FANCD2: variants seen among roughly 807,000 people sequenced by gnomAD.
The protein encoded by FANCD2 is FA complementation group D2, also known as Fanconi anemia group D2 protein.
Under a neutral mutation model 192.3 loss-of-function variants are expected in FANCD2, and 131 were observed. That is an observed-to-expected ratio of 0.68 (90% CI 0.59 to 0.79). The LOEUF (loss-of-function observed/expected upper bound fraction) is 0.79, where lower values mean the gene tolerates loss of function less well. FANCD2 is among the 30% of genes least tolerant of loss of function. FANCD2 has a pLI of 0.00. For missense variants in FANCD2, 1,508 were observed against 1,701.6 expected (o/e 0.89, Z 2.00); for synonymous variants, 524 against 612.5 (o/e 0.86, Z 2.13).
chr3:10,043,554 A>C lies in FANCD2; in HGVS notation c.1060A>C (p.Ile354Leu), dbSNP rs764893663. Residue 354 changes from isoleucine to leucine, a missense_variant, in exon 13 of 44, where the codon ATT (isoleucine) becomes CTT (leucine). This residue lies in a region of FANCD2 where 435 missense variants were observed against 421.9 expected (regional missense o/e 1.03). Coordinates refer to ENST00000675286, the MANE Select transcript of FANCD2 (RefSeq NM_001018115.3). ...ILLFDVIKSA[I>L]RYEKTISEAW... ...CCTCTTTGATGTAATAAAGTCAGCT[A>C]TTAGATATGAGAAAACCATTTCAGA... 6.2e-7 allele frequency: 1 copy of C among 1,613,804 alleles called. No homozygotes were observed. The highest frequency in any genetic ancestry group is 8.5e-7 in the Non-Finnish European group (1 of 1,179,692).
chr3:10,099,098 TG>T, intron 43 of FANCD2: 5 of 1,523,356 alleles, frequency 3.3e-6, no homozygotes, highest in Non-Finnish European at 4.4e-6. Flanking sequence ...AATTCATATC[TG>T]AAACCATTTT....
At chr3:10,072,343 A>G (rs1223351843) in intron 26 of FANCD2, among the ~76,000 whole-genome samples, 1 of 143,304 alleles carries the variant, frequency 7.0e-6, no homozygotes, top group Non-Finnish European at 1.5e-5. Flanking sequence ...TGGTGGTGCG[A>G]TCTCTGCTTA....
At position 10,099,075 on chromosome 3, in the gene FANCD2, C is replaced by A. The variant is rs1391995558; in HGVS notation, c.4281+260C>A. On this transcript the variant is annotated intron_variant, in intron 43 of 43. Coordinates refer to ENST00000675286, the MANE Select transcript of FANCD2 (RefSeq NM_001018115.3). ...TTGACAATTTTCTGCATTATAGCCT[C>A]TCATTTTCCATGAATTCATATCTGA... is the stretch of plus-strand genomic sequence containing the variant. 3 of 1,553,818 alleles carry A rather than the reference C, an allele frequency of 1.9e-6. No individual in the cohort carries two copies. In the Admixed American group the frequency reaches 5.9e-5, roughly 30 times the overall value.
At chr3:10,038,945 T>TG (rs2086795239) in intron 7 of FANCD2, among the ~76,000 whole-genome samples, 1 of 152,202 alleles carries the variant, frequency 6.6e-6, no homozygotes, top group Non-Finnish European at 1.5e-5. Flanking sequence ...TAAAAATACT[T>TG]GTCATATTCA....
chr3:10,072,506 T>G (rs1221094271), intron 26 of FANCD2, among the ~76,000 whole-genome samples: 1 of 152,220 alleles, frequency 6.6e-6, no homozygotes, highest in Non-Finnish European at 1.5e-5. Context: ...CTCAAACTCC[T>G]GACCTCAGGT....
chr3:10,078,954 A>G (rs1693680888), intron 30 of FANCD2, among the ~76,000 whole-genome samples: 2 of 151,540 alleles, frequency 1.3e-5, no homozygotes, highest in African/African-American at 4.8e-5. Context: ...AACAAAAAAA[A>G]AAGTCTACCT....
At position 10,040,278 on chromosome 3, in the gene FANCD2, C is replaced by T. The variant is rs1328126183; in HGVS notation, c.695+433C>T. 4.1e-4 allele frequency: 137 copies of T among 334,228 alleles called. 2 individuals are homozygous for T. The highest frequency in any genetic ancestry group is 1.3e-3 in the South Asian group (55 of 41,748). 20.7% of individuals were successfully genotyped at this position (334,228 alleles called of 1,614,324 possible). ...GTCTCGATCTCCTGACCTTGTGATCCGCCCTCCTCGGCCTCCCAGAGTGCT... is the reference window on the plus strand; with the variant it reads ...GTCTCGATCTCCTGACCTTGTGATCTGCCCTCCTCGGCCTCCCAGAGTGCT... On this transcript the variant is annotated intron_variant, in intron 9 of 43. Transcript: ENST00000675286.
chr3:10,047,032 G>T, intron 15 of FANCD2, among the ~76,000 whole-genome samples: 1 of 152,302 alleles, frequency 6.6e-6, no homozygotes, highest in Non-Finnish European at 1.5e-5. Context: ...TGGACTTTAG[G>T]TGATAATTCC....
intron 12 of FANCD2, 33 bp downstream of exon 12, chr3:10,043,183 A>G: frequency 1.3e-6 from 2 of 1,524,104 alleles, no homozygotes. Context: ...GGATGTCACA[A>G]TTTTCTGACA....
intron 33 of FANCD2, 30 bp from the exon 34 acceptor site, chr3:10,087,104 C>G (rs755009168): frequency 1.2e-6 from 2 of 1,612,700 alleles, no homozygotes; most frequent in Admixed American, 1.7e-5. Context: ...GATACTATTG[C>G]ATTTGTTTGT....
At chr3:10,063,983 G>A (rs1314305202) in intron 21 of FANCD2, 72 bp downstream of exon 21, 45 of 1,525,976 alleles carry the variant, frequency 2.9e-5, no homozygotes, top group South Asian at 5.6e-5. Flanking sequence ...AAGTCTTTCT[G>A]TTGCAGTGTG....
At chr3:10,042,701 C>T in intron 11 of FANCD2, 38 bp downstream of exon 11, 1 of 1,499,126 alleles carries the variant, frequency 6.7e-7, no homozygotes, top group East Asian at 2.3e-5. Flanking sequence ...GATAAAGCAA[C>T]TTAAGTGCCA....
intron 18 of FANCD2, among the ~76,000 whole-genome samples, chr3:10,053,130 G>C (rs868469187): frequency 2.0e-5 from 3 of 147,484 alleles, no homozygotes; most frequent in Admixed American, 6.9e-5. Flanking sequence ...AACCAACCCA[G>C]ATGTCCAACA....
chr3:10,052,392 T>C lies in FANCD2; in HGVS notation c.1551T>C (p.Ile517=). The C allele has an allele frequency of 6.2e-7, 1 of 1,604,680 alleles. No individual in the cohort carries two copies. Among genetic ancestry groups the C allele is most frequent in the Non-Finnish European group, 8.5e-7 (1 of 1,171,466 alleles). The stretch of plus-strand genomic sequence containing the variant: ...TGGCATCATTTTTTCCACAGGGCAT[T>C]TTAGATTATCTGGATAACATATCCC... ...MMMNAVFVKG[I]LDYLDNISPQ... The change falls in exon 18 of 44, where the codon ATT becomes ATC. Residue 517 remains isoleucine (I), a synonymous_variant. Coordinates refer to ENST00000675286, the MANE Select transcript of FANCD2 (RefSeq NM_001018115.3).
intron 29 of FANCD2, among the ~76,000 whole-genome samples, chr3:10,077,152 G>A (rs996337279): frequency 7.0e-6 from 1 of 143,476 alleles, no homozygotes; most frequent in Non-Finnish European, 1.5e-5. Context: ...ACCATCACTT[G>A]AGTCCAGGAG....
rs903202841 is a variant in FANCD2, at chr3:10,065,451, G to C, written c.2226G>C (p.Glu742Asp). The C allele has an allele frequency of 1.2e-6, 2 of 1,613,870 alleles. No individual in the cohort carries two copies. The highest frequency in any genetic ancestry group is 1.7e-6 in the Non-Finnish European group (2 of 1,179,860). Residue 742 changes from glutamate (E) to aspartate (D), a missense_variant, in exon 24 of 44, where the codon GAG (glutamate) becomes GAC (aspartate). Transcript: ENST00000675286. Reference protein sequence around the residue: ...PYFRLLRLCVERQHNGNLEEI... With the variant: ...PYFRLLRLCVDRQHNGNLEEI... ...TCCGGTTACTGAGACTTTGTGTGGA[G>C]AGACAGCATAACGGAAACTTGGAGG...
chr3:10,036,819 C>T (rs1467696487), intron 7 of FANCD2, among the ~76,000 whole-genome samples: 1 of 151,832 alleles, frequency 6.6e-6, no homozygotes, highest in East Asian at 1.9e-4. Context: ...TTTCTGAATA[C>T]TTTTCTTTAC....
chr3:10,067,220 C>A lies in FANCD2; in HGVS notation c.2397C>A (p.Ala799=). The A allele has an allele frequency of 1.2e-6, 2 of 1,608,998 alleles. No individual in the cohort carries two copies. Among genetic ancestry groups the A allele is most frequent in the Non-Finnish European group, 1.7e-6 (2 of 1,175,500 alleles). The part of the protein sequence containing the change: ...TLNWFREIVN[A]FCQETSPEMK... ...TTTGTACTTTGCAGATTGTAAATGC[C>A]TTCTGCCAGGAAACATCACCTGAGA... The change falls in exon 26 of 44, where the codon GCC becomes GCA. Residue 799 remains alanine, a synonymous_variant. Transcript: ENST00000675286.
At chr3:10,037,675 A>G (rs988766290) in intron 7 of FANCD2, 1 of 152,234 alleles carries the variant, frequency 6.6e-6, no homozygotes, top group African/African-American at 2.4e-5. Flanking sequence ...ACTCTTTAAA[A>G]TAAAGAAATG....
Sources: gnomAD v4.1 joint callset for allele counts (sites outside exome capture counted in the v4.1 genomes callset) on GRCh38, gnomAD v4.1.1 for gene constraint, gnomAD v4.1.1 regional missense constraint, MANE v1.5 for transcripts, NCBI Gene and HGNC (gene_info 2026-07-23, HGNC 2026-07-21) for gene names.